The following SYNE2 variants were observed in gnomAD, a reference collection of about 807,000 sequenced individuals.
The protein encoded by SYNE2 is spectrin repeat containing nuclear envelope protein 2.
SYNE2 carries 431 observed loss-of-function variants against 856.3 expected under a neutral mutation model. That is an observed-to-expected ratio of 0.50 (90% CI 0.47 to 0.55). The LOEUF is 0.55. SYNE2 is among the 20% of genes least tolerant of loss of function. The pLI is 0.00. For synonymous variants in SYNE2, 2,923 were observed against 2,872.3 expected, an observed-to-expected ratio of 1.02 and a Z score of -0.56; for missense variants, 8,129 against 8,023.2, an observed-to-expected ratio of 1.01 and a Z score of -0.50.
chr14:64,071,386 C>T (rs997477860), intron 52 of SYNE2, among the ~76,000 whole-genome samples: 6 of 151,618 alleles, frequency 4.0e-5, no homozygotes, highest in African/African-American at 9.7e-5. Flanking sequence ...CCCAGCTACT[C>T]GGGAGGCTGA....
At chr14:63,772,473 G>A (rs1886954785) in intron 1 of SYNE2, among the ~76,000 whole-genome samples, 1 of 152,132 alleles carries the variant, frequency 6.6e-6, no homozygotes, top group African/African-American at 2.4e-5. Context: ...GTCAGGCGCG[G>A]TGACTCACAC....
chr14:64,153,961 A>G (rs2098265871), intron 85 of SYNE2, among the ~76,000 whole-genome samples: 1 of 152,196 alleles, frequency 6.6e-6, no homozygotes, highest in South Asian at 2.1e-4. Flanking sequence ...TGCTGGGACA[A>G]CCATGTATCC....
chr14:63,852,295 C>G (rs2139972699), upstream of SYNE2, among the ~76,000 whole-genome samples: 1 of 152,168 alleles, frequency 6.6e-6, no homozygotes, highest in South Asian at 2.1e-4. Flanking sequence ...GTGGCATCAT[C>G]CTGGGTCCAA....
At chr14:64,191,017 G>A (rs2098516045) in intron 99 of SYNE2, 5 of 702,284 alleles carry the variant, frequency 7.1e-6, no homozygotes, top group East Asian at 5.4e-5. Flanking sequence ...CTGGCCACAC[G>A]GGTCCTTTCC....
chr14:64,074,185 T>C (rs1332793532), intron 53 of SYNE2, 49 bp downstream of exon 53: 5 of 1,579,040 alleles, frequency 3.2e-6, no homozygotes, highest in Non-Finnish European at 4.4e-6. Context: ...GCCCACAGTC[T>C]TGTATCCAAA....
In SYNE2 at chr14:64,138,921, TGTGTGTGTGTGTGTGTGTATGTATG is replaced by T. The variant is rs1289050389; in HGVS notation, c.14843+957_14844-977del. Among the ~76,000 whole-genome samples the T allele has an allele frequency of 8.3e-5, 12 of 145,122 alleles. No individual in the cohort carries two copies. The East Asian group carries it at 1.0e-3, about 12-fold the overall frequency. Reference sequence around the variant, plus strand: ...CTTATACAAATGCTGGTTGTGTGTGTGTGTGTGTGTGTGTGTGTATGTATGGTGTGTGTGTGTGTGTGTGTGTGTG... The same window carrying T: ...CTTATACAAATGCTGGTTGTGTGTGTGTGTGTGTGTGTGTGTGTGTGTGTG... On this transcript the variant is annotated intron_variant, in intron 79 of 115. Coordinates refer to ENST00000555002, the MANE Select transcript of SYNE2 (RefSeq NM_182914.3).
intron 56 of SYNE2, among the ~76,000 whole-genome samples, chr14:64,081,221 G>T (rs995236531): frequency 9.8e-5 from 15 of 152,338 alleles, no homozygotes; most frequent in African/African-American, 3.4e-4. Context: ...CATAACGTTG[G>T]AGTAGAACTG....
At chr14:64,002,313 A>G (rs2096761678) in intron 29 of SYNE2, among the ~76,000 whole-genome samples, 1 of 152,194 alleles carries the variant, frequency 6.6e-6, no homozygotes, top group Admixed American at 6.5e-5. Flanking sequence ...TGAATTCAAA[A>G]TGAAGCCTTG....
intron 98 of SYNE2, 79 bp from the exon 99 acceptor site, chr14:64,189,991 AG>A: frequency 1.4e-6 from 2 of 1,389,454 alleles, no homozygotes; most frequent in Non-Finnish European, 2.0e-6. Context: ...TAATTTCAAG[AG>A]GTAACTCTAT....
intron 7 of SYNE2, 82 bp downstream of exon 7, chr14:63,950,088 C>A: frequency 7.0e-7 from 1 of 1,436,436 alleles, no homozygotes; most frequent in Non-Finnish European, 9.8e-7. Context: ...ACACCTCCCT[C>A]ACTTAACATG....
chr14:64,138,129 C>A, intron 79 of SYNE2, 146 bp downstream of exon 79: 1 of 772,512 alleles, frequency 1.3e-6, no homozygotes, highest in Non-Finnish European at 2.2e-6. Flanking sequence ...CTCTTCTGGG[C>A]TAAACGCGAT....
Position 63,982,795 on chromosome 14 carries a change from G to A in SYNE2, c.2001+1G>A. ...AAAGTTGGTTTCAAAAACTCAACTTGTAAGTTCTTTTGATTGGTTGCAGCT... is the reference window on the plus strand; with the variant it reads ...AAAGTTGGTTTCAAAAACTCAACTTATAAGTTCTTTTGATTGGTTGCAGCT... On this transcript the variant is annotated splice_donor_variant, in intron 17 of 115. Transcript: ENST00000555002. LOFTEE classifies it high-confidence loss of function. The A allele has an allele frequency of 6.2e-7, 1 of 1,613,760 alleles. No individual in the cohort carries two copies. Among genetic ancestry groups the A allele is most frequent in the Non-Finnish European group, 8.5e-7 (1 of 1,179,766 alleles).
chr14:64,214,360 C>G lies in SYNE2; in HGVS notation c.19223C>G (p.Thr6408Ser). ...GGGCACGAGCGGTCTGGCTGCGAGA[C>G]CCCTGTCAGCGTGGACTCCATCCCC... ...APGHERSGCE[T>S]PVSVDSIPLE... Residue 6408 changes from threonine (T) to serine (S), a missense_variant, in exon 106 of 116, where the codon ACC (threonine) becomes AGC (serine). By Grantham distance (58) the Thr-to-Ser change is moderately conservative. Coordinates refer to ENST00000555002, the MANE Select transcript of SYNE2 (RefSeq NM_182914.3). The G allele has an allele frequency of 1.2e-6, 2 of 1,614,110 alleles. No homozygotes were observed. Among genetic ancestry groups the G allele is most frequent in the Admixed American group, 1.7e-5 (1 of 60,018 alleles).
Position 64,210,040 on chromosome 14 carries a change from C to T in SYNE2, c.18639C>T (p.Ser6213=). The T allele has an allele frequency of 6.2e-7, 1 of 1,614,144 alleles. No individual in the cohort carries two copies. Among genetic ancestry groups the T allele is most frequent in the South Asian group, 1.1e-5 (1 of 91,086 alleles). ...LARENRTDTA[S]RLKQMVHEGN... ...GGGAGAACCGCACAGACACGGCCAG[C>T]AGGCTGAAGCAGATGGTCCACGAGG... The change falls in exon 103 of 116, where the codon AGC becomes AGT. Residue 6213 remains serine, a synonymous_variant. Transcript: ENST00000555002.
At chr14:64,013,164 T>G (rs776957450) in intron 32 of SYNE2, among the ~76,000 whole-genome samples, 1 of 152,192 alleles carries the variant, frequency 6.6e-6, no homozygotes, top group Non-Finnish European at 1.5e-5. Flanking sequence ...ATACTCTCTT[T>G]TCTCATCATC....
chr14:64,126,394 G>A lies in SYNE2; in HGVS notation c.13622G>A (p.Ser4541Asn), dbSNP rs375241792. The change falls in exon 72 of 116, where the codon AGT becomes AAT. Residue 4541 changes from serine (S) to asparagine (N), a missense_variant. Ser to Asn is a conservative substitution (Grantham distance 46). Transcript: ENST00000555002. ...TTGTTTGAACTATTCCTGACCCTCA[G>A]TCAGTGCCTCAGCAGTGTGGAGGAG... ...KKLFELFLTL[S>N]QCLSSVEEML... The A allele has an allele frequency of 9.3e-6, 15 of 1,614,044 alleles. No homozygotes were observed. The highest frequency in any genetic ancestry group is 1.2e-5 in the Non-Finnish European group (14 of 1,180,030).
At chr14:63,790,122 A>T (rs1401959276) in intron 1 of SYNE2, among the ~76,000 whole-genome samples, 1 of 152,184 alleles carries the variant, frequency 6.6e-6, no homozygotes, top group African/African-American at 2.4e-5. Flanking sequence ...AATTGAGCCC[A>T]GGAGTTCCAG....
In SYNE2 at chr14:64,126,664, G is replaced by A; in HGVS notation, c.13774G>A (p.Ala4592Thr). The part of the protein sequence containing the change: ...LSDKKGDLLK[A>T]MTWPGENTNL... ...TGACAAGAAGGGTGATCTTTTGAAA[G>A]CCATGACTTGGCCTGGCGAGAACAC... Residue 4592 changes from alanine (A) to threonine (T), a missense_variant, in exon 73 of 116, where the codon GCC (alanine) becomes ACC (threonine). Physicochemically the swap from Ala to Thr is moderately conservative, Grantham distance 58 (BLOSUM62 0). Transcript: ENST00000555002. 6.2e-7 allele frequency: 1 copy of A among 1,614,196 alleles called. No homozygotes were observed. Among genetic ancestry groups the A allele is most frequent in the Non-Finnish European group, 8.5e-7 (1 of 1,180,024 alleles).
chr14:64,043,015 T>G (rs956544440), intron 45 of SYNE2, among the ~76,000 whole-genome samples: 3 of 152,130 alleles, frequency 2.0e-5, no homozygotes, highest in African/African-American at 7.2e-5. Context: ...CATAGTGAAA[T>G]GTATAATAAG....
Sources: allele counts gnomAD v4.1 joint callset (sites outside exome capture counted in the v4.1 genomes callset), GRCh38; gene constraint gnomAD v4.1.1; transcripts MANE v1.5; gene names NCBI Gene and HGNC (gene_info 2026-07-23, HGNC 2026-07-21).